Variants in CHD4 observed in about 807,000 individuals in gnomAD.
CHD4 encodes the protein chromodomain helicase DNA binding protein 4.
In CHD4, 35 loss-of-function variants were observed where a neutral mutation model predicts 235.5. The ratio of observed to expected loss-of-function variants is 0.15; its 90% CI spans 0.11 to 0.20. The LOEUF is 0.20. CHD4 is among the 10% of genes least tolerant of loss of function. The pLI is 1.00. For synonymous variants in CHD4, 900 were observed against 850.2 expected (o/e 1.06, Z -1.02); for missense variants, 1,329 against 2,432.3 (o/e 0.55, Z 9.54).
intron 38 of CHD4, 67 bp from the exon 39 acceptor site, chr12:6,571,099 A>G: frequency 6.4e-7 from 1 of 1,562,074 alleles, no homozygotes; most frequent in Non-Finnish European, 8.7e-7. Context: ...ACCCTAGTGG[A>G]CCAGCCCCCC....
intron 2 of CHD4, among the ~76,000 whole-genome samples, chr12:6,605,625 C>T (rs1291217798): frequency 6.6e-6 from 1 of 152,130 alleles, no homozygotes; most frequent in African/African-American, 2.4e-5. Flanking sequence ...GGAGGAGTGC[C>T]CTCCCTTCTT....
intron 12 of CHD4, 125 bp downstream of exon 12, chr12:6,597,769 A>G (rs1325172544): frequency 1.1e-6 from 1 of 883,342 alleles, no homozygotes; most frequent in African/African-American, 1.7e-5. Flanking sequence ...TGTCTCAAAA[A>G]CAAAAAACAA....
intron 38 of CHD4, among the ~76,000 whole-genome samples, chr12:6,572,752 G>T (rs1463150987): frequency 6.6e-6 from 1 of 152,154 alleles, no homozygotes; most frequent in African/African-American, 2.4e-5. Context: ...AGTAGAGACG[G>T]GGTTTCACCA....
rs1206269351 is a variant in CHD4, at chr12:6,583,002, G to A, written c.4147+25C>T. On this transcript the variant is annotated intron_variant, in intron 27 of 39. Transcript: ENST00000544040. Reference sequence around the variant, plus strand: ...ATTAAACAAAGCAACATTTAGAAAAGCAACAAAAAAAGCACAGCCCTCACC... The same window carrying A: ...ATTAAACAAAGCAACATTTAGAAAAACAACAAAAAAAGCACAGCCCTCACC... The A allele has an allele frequency of 6.9e-6, 11 of 1,585,506 alleles. No individual in the cohort carries two copies. In the Admixed American group the frequency reaches 9.3e-5, roughly 13 times the overall value.
intron 37 of CHD4, among the ~76,000 whole-genome samples, chr12:6,574,078 T>C (rs1388908143): frequency 6.6e-6 from 1 of 152,222 alleles, no homozygotes; most frequent in Non-Finnish European, 1.5e-5. Context: ...TTTCCTCTTA[T>C]CGCCATCTCA....
intron 22 of CHD4, chr12:6,591,143 A>AAC (rs1565610984): frequency 7.4e-5 from 13 of 175,268 alleles, no homozygotes; most frequent in African/African-American, 1.5e-4. Context: ...AAAAAAAAAA[A>AAC]AAAAAAAACC....
In CHD4 at chr12:6,582,225, T is replaced by C; in HGVS notation, c.4427A>G (p.Glu1476Gly). Residue 1476 changes from glutamate to glycine, a missense_variant, in exon 30 of 40, where the codon GAG becomes GGG. This residue lies in a region of CHD4 where 48 missense variants were observed against 109.6 expected (regional missense o/e 0.44). Coordinates refer to ENST00000544040, the MANE Select transcript of CHD4 (RefSeq NM_001273.5). Reference sequence around the variant, plus strand: ...TCGGGGGACACCATCAGCAAAGGTCTCAGCCCCATCTGCCCCCGGCTCACA... The same window carrying C: ...TCGGGGGACACCATCAGCAAAGGTCCCAGCCCCATCTGCCCCCGGCTCACA... ...HLCEPGADGA[E>G]TFADGVPREG... 1 of 1,604,376 alleles carries C rather than the reference T, an allele frequency of 6.2e-7. No homozygotes were observed. The highest frequency in any genetic ancestry group is 8.5e-7 in the Non-Finnish European group (1 of 1,176,194).
At chr12:6,584,881 T>C (rs1197020401) in intron 25 of CHD4, 2 of 152,266 alleles carry the variant, frequency 1.3e-5, no homozygotes, top group African/African-American at 4.8e-5. Context: ...CTGAAAGGAA[T>C]GTGAGCATTC....
In CHD4 at chr12:6,583,138, C is replaced by G. The variant is rs759889190; in HGVS notation, c.4061-25G>C. 139 of 1,605,910 alleles carry G rather than the reference C, an allele frequency of 8.7e-5. 3 individuals carry two copies. The South Asian group carries it at 1.3e-3, about 15-fold the overall frequency. On this transcript the variant is annotated intron_variant, in intron 26 of 39. Transcript: ENST00000544040. ...TCTGGAGGGAGAGAGGGCAGATGAG[C>G]GGGGCCCACTGCTCTAGTGGAACGG... is the stretch of plus-strand genomic sequence containing the variant.
chr12:6,588,027 T>G (rs1948328592), intron 23 of CHD4, 78 bp from the exon 24 acceptor site: 1 of 1,440,840 alleles, frequency 6.9e-7, no homozygotes, highest in Non-Finnish European at 9.7e-7. Flanking sequence ...CATAATATTC[T>G]AAATTCAGTA....
chr12:6,583,221 T>C lies in CHD4; in HGVS notation c.4037A>G (p.Asn1346Ser). Residue 1346 changes from asparagine to serine, a missense_variant, in exon 26 of 40, where the codon AAT (asparagine) becomes AGT (serine). Around this residue, in one of 26 missense-constraint regions of CHD4, gnomAD observed 8 missense variants for 56.7 expected, o/e 0.14. Transcript: ENST00000544040. ...GKRIRKQVNY[N>S]DGSQEDRDWQ... Reference sequence around the variant, plus strand: ...ACCTCGGTCCTCCTGGGAGCCATCATTGTAGTTGACCTGTTTACGGATTCT... The same window carrying C: ...ACCTCGGTCCTCCTGGGAGCCATCACTGTAGTTGACCTGTTTACGGATTCT... The C allele has an allele frequency of 1.2e-6, 2 of 1,614,202 alleles. No individual in the cohort carries two copies. Among genetic ancestry groups the C allele is most frequent in the Non-Finnish European group, 1.7e-6 (2 of 1,180,036 alleles).
intron 38 of CHD4, 59 bp from the exon 39 acceptor site, chr12:6,571,091 C>G: frequency 6.3e-7 from 1 of 1,576,244 alleles, no homozygotes; most frequent in South Asian, 1.2e-5. Context: ...CTCCCTCTAC[C>G]CTAGTGGACC....
At chr12:6,570,798 CAT>C in intron 39 of CHD4, 69 bp downstream of exon 39, 1 of 1,611,702 alleles carries the variant, frequency 6.2e-7, no homozygotes, top group Non-Finnish European at 8.5e-7. Context: ...AAGCTAGGGA[CAT>C]ACAGCAAAGT....
intron 7 of CHD4, 105 bp from the exon 8 acceptor site, chr12:6,600,774 G>C: frequency 1.3e-6 from 2 of 1,527,724 alleles, no homozygotes; most frequent in Non-Finnish European, 1.8e-6. Flanking sequence ...ATCCCAGCAA[G>C]CACCGTTATA....
intron 10 of CHD4, 101 bp downstream of exon 10, chr12:6,599,672 A>T: frequency 1.4e-6 from 2 of 1,457,112 alleles, no homozygotes; most frequent in Non-Finnish European, 1.9e-6. Context: ...CTCAGGGCTG[A>T]AAAGCTCATA....
intron 15 of CHD4, 94 bp downstream of exon 15, chr12:6,594,365 A>G: frequency 8.0e-7 from 1 of 1,246,226 alleles, no homozygotes; most frequent in Non-Finnish European, 1.1e-6. Context: ...TCAGAGACCA[A>G]TTTTTTTATT....
chr12:6,580,100 C>T (rs962230287), intron 33 of CHD4, among the ~76,000 whole-genome samples: 3 of 149,546 alleles, frequency 2.0e-5, no homozygotes, highest in South Asian at 2.1e-4. Flanking sequence ...GGTTGTGGCA[C>T]GCCTGCAATC....
intron 14 of CHD4, 97 bp from the exon 15 acceptor site, chr12:6,594,747 C>T (rs1948456552): frequency 2.6e-6 from 3 of 1,139,190 alleles, no homozygotes; most frequent in Non-Finnish European, 3.7e-6. Context: ...CACGGATCCT[C>T]TTGGGGAAGA....
Position 6,577,809 on chromosome 12 carries a change from A to G in CHD4, c.5337T>C (p.Asn1779=). 6.2e-7 allele frequency: 1 copy of G among 1,614,232 alleles called. No homozygotes were observed. The highest frequency in any genetic ancestry group is 8.5e-7 in the Non-Finnish European group (1 of 1,180,044). ...CCTTAAACCTTCGAGCTAGAAATTT[A>G]TTCTTGATCTCTAAGAAATTGCCAC... is the stretch of plus-strand genomic sequence containing the variant. ...MNRGNFLEIK[N]KFLARRFKLL... The change falls in exon 37 of 40, where the codon AAT becomes AAC. Residue 1779 remains asparagine, a synonymous_variant. Coordinates refer to ENST00000544040, the MANE Select transcript of CHD4 (RefSeq NM_001273.5).
Sources: gnomAD v4.1 joint callset for allele counts (sites outside exome capture counted in the v4.1 genomes callset) on GRCh38, gnomAD v4.1.1 for gene constraint, gnomAD v4.1.1 regional missense constraint, MANE v1.5 for transcripts, NCBI Gene and HGNC (gene_info 2026-07-23, HGNC 2026-07-21) for gene names.